The following BMP3 variants were observed in gnomAD, a reference collection of about 807,000 sequenced individuals.
The protein encoded by BMP3 is bone morphogenetic protein 3.
Under a neutral mutation model 38.1 loss-of-function variants are expected in BMP3, and 23 were observed. That is an observed-to-expected ratio of 0.60 (90% CI 0.43 to 0.86). The LOEUF (loss-of-function observed/expected upper bound fraction) is 0.86, where lower values mean the gene tolerates loss of function less well. BMP3 is among the 40% of genes least tolerant of loss of function. The probability of loss-of-function intolerance (pLI) is 0.00; values close to 1 mark genes in which losing one functional copy is unlikely to be tolerated. For missense variants in BMP3, 628 were observed against 579.6 expected (o/e 1.08, Z -0.86); for synonymous variants, 258 against 225.7 (o/e 1.14, Z -1.28).
intron 1 of BMP3, among the ~76,000 whole-genome samples, chr4:81,035,092 G>A (rs958105095): frequency 2.0e-5 from 3 of 151,920 alleles, no homozygotes; most frequent in Non-Finnish European, 4.4e-5. Context: ...AAGAGGAGAT[G>A]GGTGTGCAGC....
rs1739720616 is a variant in BMP3 at position 81,030,759 on chromosome 4, A to G, written c.-526A>G. Among the ~76,000 whole-genome samples the G allele has an allele frequency of 6.6e-6, 1 of 151,678 alleles. No individual in the cohort carries two copies. The highest frequency in any genetic ancestry group is 2.4e-5 in the African/African-American group (1 of 41,316). On this transcript the variant is annotated 5_prime_UTR_variant, in exon 1 of 3. Transcript: ENST00000282701. ...CGCACACACGCGCGCGCGCGCGCGC[A>G]CACACACACACACGTACACTAAAAA...
intron 1 of BMP3, among the ~76,000 whole-genome samples, chr4:81,040,975 A>G (rs911123016): frequency 6.6e-6 from 1 of 152,214 alleles, no homozygotes; most frequent in Non-Finnish European, 1.5e-5. Flanking sequence ...TCAGAAGACT[A>G]GAAAAGGTGA....
chr4:81,057,430 A>G lies in BMP3; in HGVS notation c.*3894A>G, dbSNP rs774132212. 6.6e-6 allele frequency: 1 copy of G among 152,136 alleles called. No individual in the cohort carries two copies. Among genetic ancestry groups the G allele is most frequent in the Non-Finnish European group, 1.5e-5 (1 of 67,986 alleles). The allele number at this position is 152,136 out of a possible 1,614,324, so 9.4% of individuals were successfully genotyped here. ...ATATTGCAGTGAAACTGTGAAGGATACTTCACTACCAATGTATAAGCTTTG... is the reference window on the plus strand; with the variant it reads ...ATATTGCAGTGAAACTGTGAAGGATGCTTCACTACCAATGTATAAGCTTTG... On this transcript the variant is annotated 3_prime_UTR_variant, in exon 3 of 3. Coordinates refer to ENST00000282701, the MANE Select transcript of BMP3 (RefSeq NM_001201.5).
Position 81,045,877 on chromosome 4 carries a change from C to T in BMP3, c.456C>T (p.Cys152=), listed in dbSNP as rs1322601276. The change falls in exon 2 of 3, where the codon TGC becomes TGT. Residue 152 remains cysteine (C), a synonymous_variant. Coordinates refer to ENST00000282701, the MANE Select transcript of BMP3 (RefSeq NM_001201.5). ...ISLSCPVSGG[C]SHHAQRKHIQ... is the part of the protein sequence containing the mutation. ...TGAGTTGTCCAGTGTCTGGAGGATG[C>T]TCCCATCATGCTCAGAGGAAACACA... The T allele has an allele frequency of 6.2e-7, 1 of 1,613,988 alleles. No homozygotes were observed. Among genetic ancestry groups the T allele is most frequent in the Non-Finnish European group, 8.5e-7 (1 of 1,180,006 alleles).
intron 1 of BMP3, among the ~76,000 whole-genome samples, chr4:81,044,849 A>G (rs1201355452): frequency 6.6e-6 from 1 of 152,190 alleles, no homozygotes; most frequent in African/African-American, 2.4e-5. Context: ...TGGGTATACC[A>G]CAATTTCTTT....
At chr4:81,044,991 G>A (rs780755635) in intron 1 of BMP3, among the ~76,000 whole-genome samples, 13 of 152,106 alleles carry the variant, frequency 8.5e-5, no homozygotes, top group Non-Finnish European at 1.6e-4. Flanking sequence ...GAGCAATTGC[G>A]GAATCATAAT....
At chr4:81,035,150 G>A (rs1046722470) in intron 1 of BMP3, among the ~76,000 whole-genome samples, 4 of 151,300 alleles carry the variant, frequency 2.6e-5, no homozygotes, top group Non-Finnish European at 5.9e-5. Flanking sequence ...CTTTAATGAA[G>A]TTTTTACTGT....
intron 1 of BMP3, 132 bp downstream of exon 1, chr4:81,031,732 C>A (rs1399991998): frequency 9.1e-7 from 1 of 1,095,906 alleles, no homozygotes; most frequent in Admixed American, 2.9e-5. Context: ...CCTCAGCTGC[C>A]CTCTGGATTC....
rs1469037614 is a variant in BMP3, at chr4:81,056,212, A to G, written c.*2676A>G. 1 of 152,080 alleles carries G rather than the reference A, an allele frequency of 6.6e-6. No individual in the cohort carries two copies. Among genetic ancestry groups the G allele is most frequent in the East Asian group, 1.9e-4 (1 of 5,192 alleles). The allele number at this position is 152,080 out of a possible 1,614,324, so 9.4% of individuals were successfully genotyped here. A position where few individuals can be genotyped will look rare whatever the true frequency, so the allele number is the denominator to read the frequency against. On this transcript the variant is annotated 3_prime_UTR_variant, in exon 3 of 3. Transcript: ENST00000282701. Reference sequence around the variant, plus strand: ...GGCATTCATGAAAAGAGAAGCTACAATTATAAACTCCATTTGCTAAATCAT... The same window carrying G: ...GGCATTCATGAAAAGAGAAGCTACAGTTATAAACTCCATTTGCTAAATCAT...
chr4:81,045,131 C>T (rs72870207), intron 1 of BMP3, among the ~76,000 whole-genome samples: 4 of 151,922 alleles, frequency 2.6e-5, no homozygotes, highest in East Asian at 1.9e-4. Context: ...TGGGTTTTTT[C>T]GTTTATTTGT....
chr4:81,046,115 A>G lies in BMP3; in HGVS notation c.694A>G (p.Arg232Gly). 1 of 1,614,136 alleles carries G rather than the reference A, an allele frequency of 6.2e-7. No homozygotes were observed. The highest frequency in any genetic ancestry group is 8.5e-7 in the Non-Finnish European group (1 of 1,180,016). ...TSKGRQLPKRRLPFPEPYILV... is the reference protein window; with the variant it reads ...TSKGRQLPKRGLPFPEPYILV... ...CAAGGGACGCCAGCTGCCAAAGAGG[A>G]GGTTACCTTTTCCAGAGCCTTATAT... Residue 232 changes from arginine to glycine, a missense_variant, in exon 2 of 3, where the codon AGG becomes GGG. By Grantham distance (125) the Arg-to-Gly change is moderately radical. Transcript: ENST00000282701.
intron 1 of BMP3, 22 bp from the exon 2 acceptor site, chr4:81,045,714 ACT>A (rs780430666): frequency 4.3e-5 from 66 of 1,524,616 alleles, no homozygotes; most frequent in South Asian, 2.6e-4. Flanking sequence ...TCTCCTGTTT[ACT>A]CTCTTTCTTT....
At chr4:81,049,369 T>C (rs1740345780) in intron 2 of BMP3, among the ~76,000 whole-genome samples, 1 of 152,168 alleles carries the variant, frequency 6.6e-6, no homozygotes, top group Admixed American at 6.5e-5. Flanking sequence ...CGTGAGCTCT[T>C]CCAGGGAGGT....
rs1380880961 is a variant in BMP3 at position 81,053,970 on chromosome 4, G to C, written c.*434G>C. The C allele has an allele frequency of 1.3e-5, 2 of 152,840 alleles. No homozygotes were observed. Among genetic ancestry groups the C allele is most frequent in the African/African-American group, 4.8e-5 (2 of 41,434 alleles). The allele number at this position is 152,840 out of a possible 1,614,324, so 9.5% of individuals were successfully genotyped here. Reference sequence around the variant, plus strand: ...TAGGCTTATTGCCTTAGAATCCTGAGAAAGTGCTAAATAATCAACTCTGAT... The same window carrying C: ...TAGGCTTATTGCCTTAGAATCCTGACAAAGTGCTAAATAATCAACTCTGAT... On this transcript the variant is annotated 3_prime_UTR_variant, in exon 3 of 3. Transcript: ENST00000282701.
intron 1 of BMP3, among the ~76,000 whole-genome samples, chr4:81,035,305 A>G (rs1289805849): frequency 3.9e-5 from 6 of 152,092 alleles, no homozygotes; most frequent in Admixed American, 6.5e-5. Context: ...AGCTAGAAAC[A>G]CTTGAAGAGA....
At chr4:81,031,888 G>A (rs143867784) in intron 1 of BMP3, among the ~76,000 whole-genome samples, 1 of 152,216 alleles carries the variant, frequency 6.6e-6, no homozygotes, top group Non-Finnish European at 1.5e-5. Context: ...GGGAAGGGGC[G>A]ACACCCCATG....
chr4:81,045,827 A>G lies in BMP3; in HGVS notation c.406A>G (p.Ile136Val), dbSNP rs1740217060. ...NILSATLYFC[I>V]GELGNISLSC... is the part of the protein sequence containing the mutation. ...TTTGTCTGCCACACTGTATTTCTGT[A>G]TTGGAGAGCTAGGAAACATCAGCCT... Residue 136 changes from isoleucine to valine, a missense_variant, in exon 2 of 3, where the codon ATT (isoleucine) becomes GTT (valine). Ile to Val is a conservative substitution (Grantham distance 29). Transcript: ENST00000282701. 2 of 1,613,976 alleles carry G rather than the reference A, an allele frequency of 1.2e-6. No homozygotes were observed. Among genetic ancestry groups the G allele is most frequent in the Non-Finnish European group, 1.7e-6 (2 of 1,179,990 alleles).
At position 81,031,401 on chromosome 4, in the gene BMP3, C is replaced by A. The variant is rs1739759373; in HGVS notation, c.117C>A (p.Asp39Glu). The A allele has an allele frequency of 6.2e-7, 1 of 1,613,670 alleles. No homozygotes were observed. Among genetic ancestry groups the A allele is most frequent in the South Asian group, 1.1e-5 (1 of 90,984 alleles). The change falls in exon 1 of 3, where the codon GAC (aspartate) becomes GAA (glutamate). Residue 39 changes from aspartate (D) to glutamate (E), a missense_variant. Transcript: ENST00000282701. The stretch of plus-strand genomic sequence containing the variant: ...AGCTCCGCAAAGCTGTGCCAGGTGA[C>A]CGCACGGCAGGTGGTGGCCCGGACT... The part of the protein sequence containing the change: ...FPELRKAVPG[D>E]RTAGGGPDSE...
At chr4:81,043,293 A>G (rs1474690110) in intron 1 of BMP3, among the ~76,000 whole-genome samples, 4 of 152,156 alleles carry the variant, frequency 2.6e-5, no homozygotes, top group Non-Finnish European at 4.4e-5. Flanking sequence ...TATGAGCTAA[A>G]GGAGAGGAAT....
Sources: gnomAD v4.1 joint callset for allele counts (sites outside exome capture counted in the v4.1 genomes callset) on GRCh38, gnomAD v4.1.1 for gene constraint, MANE v1.5 for transcripts, NCBI Gene and HGNC (gene_info 2026-07-23, HGNC 2026-07-21) for gene names.